GAP43: variants seen among roughly 807,000 people sequenced by gnomAD.
GAP43 encodes neuromodulin.
In GAP43, 6 loss-of-function variants were observed where a neutral mutation model predicts 18.6. The ratio of observed to expected loss-of-function variants is 0.32; its 90% confidence interval spans 0.18 to 0.64. The LOEUF (loss-of-function observed/expected upper bound fraction) is 0.64. Ranked by LOEUF, GAP43 falls within the 30% of genes least tolerant of loss-of-function variation. The pLI, the probability that GAP43 is intolerant of heterozygous loss-of-function variation, is 0.78. For synonymous variants in GAP43, 115 were observed against 111.4 expected, an observed-to-expected ratio of 1.03 and a Z score of -0.20; for missense variants, 292 against 295.5, an observed-to-expected ratio of 0.99 and a Z score of 0.09.
chr3:115,675,463 T>C (rs138479794), intron 1 of GAP43, among the ~76,000 whole-genome samples: 254 of 152,130 alleles, frequency 1.7e-3, no homozygotes, highest in African/African-American at 5.5e-3. Context: ...AGAAAATACG[T>C]AGAAAATAAT....
chr3:115,711,714 A>G (rs1709441566), intron 2 of GAP43, among the ~76,000 whole-genome samples: 1 of 152,056 alleles, frequency 6.6e-6, no homozygotes, highest in African/African-American at 2.4e-5. Flanking sequence ...CCCCAAACAA[A>G]CTGAAGCAAT....
chr3:115,687,499 T>C (rs186654760), intron 2 of GAP43, among the ~76,000 whole-genome samples: 56 of 152,350 alleles, frequency 3.7e-4, no homozygotes, highest in African/African-American at 1.3e-3. Context: ...GAATTTATTT[T>C]CTAAATGATA....
intron 2 of GAP43, among the ~76,000 whole-genome samples, chr3:115,692,818 T>C (rs111653995): frequency 3.7e-3 from 559 of 152,372 alleles, no homozygotes; most frequent in African/African-American, 0.013. Flanking sequence ...TCCACACTTA[T>C]GAATTCAGTT....
intron 2 of GAP43, 76 bp downstream of exon 2, chr3:115,676,686 G>A: frequency 7.3e-7 from 1 of 1,375,074 alleles, no homozygotes; most frequent in Non-Finnish European, 9.6e-7. Context: ...GGCCACCTGG[G>A]TCATTGAGGG....
intron 2 of GAP43, among the ~76,000 whole-genome samples, chr3:115,683,136 C>CGT (rs1708979790): frequency 1.7e-5 from 2 of 119,588 alleles, no homozygotes; most frequent in East Asian, 5.3e-4. Context: ...CGCGCGCGTG[C>CGT]GCGCGCGCGC....
chr3:115,660,424 T>C (rs1708643168), intron 1 of GAP43, among the ~76,000 whole-genome samples: 1 of 152,224 alleles, frequency 6.6e-6, no homozygotes, highest in African/African-American at 2.4e-5. Flanking sequence ...AATTCAAACT[T>C]ACACTTTGAA....
At chr3:115,675,489 C>A (rs536362001) in intron 1 of GAP43, among the ~76,000 whole-genome samples, 6 of 152,026 alleles carry the variant, frequency 3.9e-5, no homozygotes, top group Non-Finnish European at 8.8e-5. Context: ...TGGCCAGATG[C>A]GGTGGCTCAC....
intron 1 of GAP43, among the ~76,000 whole-genome samples, chr3:115,630,737 C>T (rs556837482): frequency 6.6e-6 from 1 of 152,286 alleles, no homozygotes; most frequent in South Asian, 2.1e-4. Flanking sequence ...TTTTCTCCTC[C>T]TGTCAGACCC....
In GAP43 at chr3:115,670,845, C is replaced by G. The variant is rs576644213; in HGVS notation, c.31-5168C>G. Among the ~76,000 whole-genome samples, 15 of 152,250 alleles carry G rather than the reference C, an allele frequency of 9.9e-5. No individual in the cohort carries two copies. The East Asian group carries it at 2.7e-3, about 27-fold the overall frequency. ...AAACATTGCTTAGGATATCTCCGGC[C>G]TTTCAAGTTTGTTCTCAAAAATAAC... On this transcript the variant is annotated intron_variant, in intron 1 of 2. Coordinates refer to ENST00000305124, the MANE Select transcript of GAP43 (RefSeq NM_002045.4).
chr3:115,719,375 A>G (rs1559809780), intron 2 of GAP43, among the ~76,000 whole-genome samples: 1 of 152,202 alleles, frequency 6.6e-6, no homozygotes, highest in Non-Finnish European at 1.5e-5. Context: ...TTTTGAGAAG[A>G]TTCTCATCAT....
intron 2 of GAP43, among the ~76,000 whole-genome samples, chr3:115,689,599 T>A (rs1709078465): frequency 6.6e-6 from 1 of 152,214 alleles, no homozygotes; most frequent in Non-Finnish European, 1.5e-5. Context: ...TCTAAATATT[T>A]CCTAGGCACC....
At chr3:115,691,976 C>T (rs1238114603) in intron 2 of GAP43, among the ~76,000 whole-genome samples, 1 of 152,130 alleles carries the variant, frequency 6.6e-6, no homozygotes, top group Non-Finnish European at 1.5e-5. Flanking sequence ...CAGTCTTAGA[C>T]CTAAAAGGAA....
intron 2 of GAP43, among the ~76,000 whole-genome samples, chr3:115,683,142 C>CGCGT (rs1559800395): frequency 1.6e-5 from 2 of 122,908 alleles, no homozygotes; most frequent in Non-Finnish European, 3.6e-5. Context: ...CGTGCGCGCG[C>CGCGT]GCGCGCACAC....
At chr3:115,647,679 TA>T (rs1708472458) in intron 1 of GAP43, among the ~76,000 whole-genome samples, 1 of 145,910 alleles carries the variant, frequency 6.9e-6, no homozygotes, top group South Asian at 2.2e-4. Context: ...TGGTAAGAAT[TA>T]GGGGGGAGGG....
At chr3:115,639,063 T>C (rs950071908) in intron 1 of GAP43, among the ~76,000 whole-genome samples, 2 of 152,096 alleles carry the variant, frequency 1.3e-5, no homozygotes, top group African/African-American at 4.8e-5. Flanking sequence ...GCCTATAAAA[T>C]GAACAAATAC....
At chr3:115,663,755 G>A (rs546400238) in intron 1 of GAP43, 41 of 1,551,252 alleles carry the variant, frequency 2.6e-5, no homozygotes, top group East Asian at 4.9e-5. Flanking sequence ...CAGTGAACTA[G>A]GCCAGCATTG....
chr3:115,718,942 G>T (rs1354516964), intron 2 of GAP43, among the ~76,000 whole-genome samples: 1 of 152,122 alleles, frequency 6.6e-6, no homozygotes, highest in Non-Finnish European at 1.5e-5. Context: ...ATTTAAAAGA[G>T]ACATACATTT....
chr3:115,675,993 C>T lies in GAP43; in HGVS notation c.31-20C>T. The T allele has an allele frequency of 6.3e-7, 1 of 1,577,644 alleles. No individual in the cohort carries two copies. The highest frequency in any genetic ancestry group is 1.9e-5 in the Admixed American group (1 of 53,436). The stretch of plus-strand genomic sequence containing the variant: ...GAATGTCATTGAAGCCCTCTCTTTT[C>T]CCTTCTTTTCTCGACAAAGGTTGAA... On this transcript the variant is annotated intron_variant, in intron 1 of 2. Transcript: ENST00000305124.
chr3:115,662,513 G>A (rs1708675894), intron 1 of GAP43, among the ~76,000 whole-genome samples: 1 of 152,216 alleles, frequency 6.6e-6, no homozygotes, highest in Non-Finnish European at 1.5e-5. Flanking sequence ...ACCACAGAGA[G>A]AGTTGGCTAC....
Sources: gnomAD v4.1 joint callset for allele counts (sites outside exome capture counted in the v4.1 genomes callset) on GRCh38, gnomAD v4.1.1 for gene constraint, MANE v1.5 for transcripts, NCBI Gene and HGNC (gene_info 2026-07-23, HGNC 2026-07-21) for gene names.